Variants in APH1B observed in about 807,000 individuals in gnomAD.
APH1B encodes gamma-secretase subunit APH-1B.
Under a neutral mutation model 28.2 loss-of-function variants are expected in APH1B, and 27 were observed. That is an observed-to-expected ratio of 0.96 (90% CI 0.70 to 1.32). The LOEUF (loss-of-function observed/expected upper bound fraction) is 1.32. Among genes scored for constraint, APH1B ranks in the 40% most tolerant of loss-of-function variants. The probability of loss-of-function intolerance (pLI) is 0.00; values close to 1 mark genes in which losing one functional copy is unlikely to be tolerated. For synonymous variants in APH1B, 141 were observed against 124.6 expected (o/e 1.13, Z -0.88); for missense variants, 305 against 313.6 (o/e 0.97, Z 0.21).
chr15:63,279,580 C>T (rs55729424), intron 2 of APH1B, among the ~76,000 whole-genome samples: 34,918 of 152,010 alleles, frequency 0.23, 4,289 homozygotes, highest in Admixed American at 0.31. Context: ...ATCCTAGGTA[C>T]TGGGGATACA....
chr15:63,279,482 G>T, intron 2 of APH1B, 151 bp downstream of exon 2: 1 of 634,582 alleles, frequency 1.6e-6, no homozygotes. Flanking sequence ...AAAATCTTGA[G>T]TGTTCTTTTA....
chr15:63,286,772 C>T (rs568428401), intron 3 of APH1B, 144 bp downstream of exon 3: 9 of 707,490 alleles, frequency 1.3e-5, no homozygotes, highest in Admixed American at 1.1e-4. Flanking sequence ...TTATTATCCC[C>T]GTCTTCCAGG....
intron 4 of APH1B, among the ~76,000 whole-genome samples, chr15:63,298,890 T>C (rs1175451202): frequency 9.4e-6 from 1 of 105,990 alleles, no homozygotes; most frequent in Admixed American, 1.0e-4. Flanking sequence ...GTAGATTGTG[T>C]TGAATGTAAA....
intron 2 of APH1B, 49 bp from the exon 3 acceptor site, chr15:63,286,509 C>CTTT: frequency 7.8e-7 from 1 of 1,279,240 alleles, no homozygotes; most frequent in East Asian, 2.6e-5. Flanking sequence ...TATTGCTCTT[C>CTTT]CTTTTTTTTT....
chr15:63,293,456 C>T (rs574501750), intron 4 of APH1B, among the ~76,000 whole-genome samples: 72 of 151,262 alleles, frequency 4.8e-4, no homozygotes, highest in African/African-American at 1.5e-3. Flanking sequence ...CGTAAGCCAC[C>T]GCACCTGGCC....
At chr15:63,293,660 G>A (rs1035792012) in intron 4 of APH1B, among the ~76,000 whole-genome samples, 42 of 152,138 alleles carry the variant, frequency 2.8e-4, no homozygotes, top group African/African-American at 1.0e-3. Flanking sequence ...ACCCTGCGCA[G>A]CTGATTTTTG....
chr15:63,287,750 C>G (rs1005575578), intron 4 of APH1B, among the ~76,000 whole-genome samples: 1 of 152,150 alleles, frequency 6.6e-6, no homozygotes, highest in Non-Finnish European at 1.5e-5. Context: ...TGGAATTTAG[C>G]TTGCGTAAAA....
At position 63,308,507 on chromosome 15, in the gene APH1B, T is replaced by G. The variant is rs2038709997; in HGVS notation, c.*2726T>G. The G allele has an allele frequency of 1.3e-5, 2 of 152,388 alleles. No individual in the cohort carries two copies. Among genetic ancestry groups the G allele is most frequent in the African/African-American group, 4.8e-5 (2 of 41,590 alleles). 9.4% of individuals were successfully genotyped at this position (152,388 alleles called of 1,614,324 possible). On this transcript the variant is annotated 3_prime_UTR_variant, in exon 6 of 6. Transcript: ENST00000261879. ...TTTTGTTCCCAGCGTTAACATTTTC[T>G]TCTCAATCACATTTCAATGTTTGTG...
In APH1B at chr15:63,287,456, G is replaced by A. The variant is rs1438262750; in HGVS notation, c.388G>A (p.Val130Ile). ...CTTGGGCTTTGGAATCATGAGTGGA[G>A]TATTTTCCTTTGTGAATACCCTATC... ...SGLGFGIMSG[V>I]FSFVNTLSDS... The change falls in exon 4 of 6, where the codon GTA becomes ATA. Residue 130 changes from valine to isoleucine, a missense_variant. Coordinates refer to ENST00000261879, the MANE Select transcript of APH1B (RefSeq NM_031301.4). 4 of 1,613,950 alleles carry A rather than the reference G, an allele frequency of 2.5e-6. No individual in the cohort carries two copies. Among genetic ancestry groups the A allele is most frequent in the East Asian group, 2.2e-5 (1 of 44,890 alleles).
chr15:63,303,703 G>A (rs181854838), intron 5 of APH1B, among the ~76,000 whole-genome samples: 24 of 152,070 alleles, frequency 1.6e-4, no homozygotes, highest in Admixed American at 1.4e-3. Flanking sequence ...ATGTTGCTCC[G>A]GCTGGCTTCG....
intron 4 of APH1B, among the ~76,000 whole-genome samples, chr15:63,293,017 G>A (rs1346948450): frequency 6.6e-6 from 1 of 152,184 alleles, no homozygotes; most frequent in Non-Finnish European, 1.5e-5. Context: ...GAATGGCTAG[G>A]CTCTGCTGAC....
chr15:63,285,418 A>G (rs2038434708), intron 2 of APH1B, among the ~76,000 whole-genome samples: 1 of 152,200 alleles, frequency 6.6e-6, no homozygotes, highest in South Asian at 2.1e-4. Flanking sequence ...TGTTGCCTTA[A>G]TAAATATACT....
chr15:63,292,811 G>A (rs1275626689), intron 4 of APH1B, among the ~76,000 whole-genome samples: 1 of 152,220 alleles, frequency 6.6e-6, no homozygotes, highest in Non-Finnish European at 1.5e-5. Context: ...ATAGTCTCTA[G>A]TAGCTTGTGA....
chr15:63,308,148 G>A lies in APH1B; in HGVS notation c.*2367G>A, dbSNP rs2038706419. The A allele has an allele frequency of 6.6e-6, 1 of 151,620 alleles. No individual in the cohort carries two copies. Among genetic ancestry groups the A allele is most frequent in the African/African-American group, 2.4e-5 (1 of 41,226 alleles). 9.4% of individuals were successfully genotyped at this position (151,620 alleles called of 1,614,324 possible). A position where few individuals can be genotyped will look rare whatever the true frequency, so the allele number is the denominator to read the frequency against. ...TGAGCTTTCTGAGCCCTGATATTAT[G>A]TGAGACAAACAGGAGTTATTGATGT... is the stretch of plus-strand genomic sequence containing the variant. On this transcript the variant is annotated 3_prime_UTR_variant, in exon 6 of 6. Coordinates refer to ENST00000261879, the MANE Select transcript of APH1B (RefSeq NM_031301.4).
chr15:63,286,570 AG>A lies in APH1B; in HGVS notation c.299del (p.Gly100ValfsTer2), dbSNP rs2038448486. 1 of 1,594,180 alleles carries A rather than the reference AG, an allele frequency of 6.3e-7. No individual in the cohort carries two copies. The highest frequency in any genetic ancestry group is 8.5e-7 in the Non-Finnish European group (1 of 1,173,708). ...GGTTTTATTTTAGAAAAGCCAGTGAAGGTTTGAAGAGTATAAACCCAGGTGA... is the reference window on the plus strand; with the variant it reads ...GGTTTTATTTTAGAAAAGCCAGTGAAGTTTGAAGAGTATAAACCCAGGTGA... ...YYKLLKKASE[G>X]LKSINPGETA... On this transcript the variant is annotated frameshift_variant, in exon 3 of 6. Transcript: ENST00000261879. LOFTEE classifies it high-confidence loss of function.
At chr15:63,285,993 G>A (rs2038441228) in intron 2 of APH1B, among the ~76,000 whole-genome samples, 1 of 152,208 alleles carries the variant, frequency 6.6e-6, no homozygotes, top group Non-Finnish European at 1.5e-5. Context: ...TTAAGAATAA[G>A]GAGAGATTAG....
intron 2 of APH1B, among the ~76,000 whole-genome samples, chr15:63,284,224 T>TA (rs1042338516): frequency 1.4e-4 from 21 of 152,030 alleles, no homozygotes; most frequent in Admixed American, 4.6e-4. Context: ...TTTGCTTTTT[T>TA]TTTTTTTTTG....
chr15:63,297,834 C>T (rs1595763677), intron 4 of APH1B, among the ~76,000 whole-genome samples: 3 of 152,148 alleles, frequency 2.0e-5, no homozygotes, highest in Admixed American at 1.3e-4. Context: ...GAGTAAATCC[C>T]GGCATTCTAA....
chr15:63,300,171 C>CT (rs2038611092), intron 4 of APH1B, among the ~76,000 whole-genome samples: 1 of 152,052 alleles, frequency 6.6e-6, no homozygotes, highest in African/African-American at 2.4e-5. Context: ...GGTCAAGAAG[C>CT]TCTGGTGCCA....
Sources: gnomAD v4.1 joint callset for allele counts (sites outside exome capture counted in the v4.1 genomes callset) on GRCh38, gnomAD v4.1.1 for gene constraint, MANE v1.5 for transcripts, NCBI Gene and HGNC (gene_info 2026-07-23, HGNC 2026-07-21) for gene names.